Variants in CTC1 observed in about 807,000 individuals in gnomAD.
CTC1 encodes CST telomere replication complex component 1, also known as CST complex subunit CTC1.
In CTC1, 91 loss-of-function variants were observed where a neutral mutation model predicts 136.3. The observed-to-expected ratio is 0.67, with a 90% CI of 0.56 to 0.79. The LOEUF (loss-of-function observed/expected upper bound fraction) is 0.79. Among genes scored for constraint, CTC1 ranks in the 30% least tolerant of loss-of-function variants. The pLI is 0.00. For synonymous variants in CTC1, 606 were observed against 613.8 expected (o/e 0.99, Z 0.19); for missense variants, 1,432 against 1,498.1 (o/e 0.96, Z 0.73).
chr17:8,242,543 AAAAAAAAAAAATATATAT>A (rs1567620065), intron 2 of CTC1, among the ~76,000 whole-genome samples: 1 of 85,782 alleles, frequency 1.2e-5, no homozygotes, highest in African/African-American at 4.1e-5. Flanking sequence ...GAAAAAAAAA[AAAAAAAAAAAATATATAT>A]ATATATATAT....
chr17:8,231,433 T>C lies in CTC1; in HGVS notation c.2512A>G (p.Ile838Val). 1.2e-6 allele frequency: 2 copies of C among 1,612,702 alleles called. No homozygotes were observed. The highest frequency in any genetic ancestry group is 1.7e-5 in the Admixed American group (1 of 59,850). Reference protein sequence around the residue: ...MLFEKDGSSCISRRPLELAGC... With the variant: ...MLFEKDGSSCVSRRPLELAGC... ...GCCAACTCCAGAGGACGCCGAGATA[T>C]GCAGGATGAACCATCCTTTTCAAAC... The change falls in exon 15 of 23, where the codon ATA (isoleucine) becomes GTA (valine). Residue 838 changes from isoleucine (I) to valine (V), a missense_variant. Transcript: ENST00000651323.
chr17:8,236,132 G>T lies in CTC1; in HGVS notation c.1003C>A (p.Pro335Thr). The change falls in exon 6 of 23, where the codon CCC becomes ACC. Residue 335 changes from proline (P) to threonine (T), a missense_variant. Pro to Thr is a conservative substitution (Grantham distance 38). Coordinates refer to ENST00000651323, the MANE Select transcript of CTC1 (RefSeq NM_025099.6). ...TTGTCCTCCGAGTTGCTGGGCATGG[G>T]GAGTGGCTTGGGGTCAGCCTCTAAG... ...PLLEADPKPLPMPSNSEDKKD... is the reference protein window; with the variant it reads ...PLLEADPKPLTMPSNSEDKKD... 6.2e-7 allele frequency: 1 copy of T among 1,614,234 alleles called. No individual in the cohort carries two copies.
In CTC1 at chr17:8,226,187, G is replaced by A. The variant is rs1986624471; in HGVS notation, c.*1993C>T. On this transcript the variant is annotated 3_prime_UTR_variant, in exon 23 of 23. Transcript: ENST00000651323. Reference sequence around the variant, plus strand: ...GCGTTCTGATATAAAAACAATACATGAAAGGATGTGGATTTAGCCGCAAAA... The same window carrying A: ...GCGTTCTGATATAAAAACAATACATAAAAGGATGTGGATTTAGCCGCAAAA... 2 of 152,192 alleles carry A rather than the reference G, an allele frequency of 1.3e-5. No individual in the cohort carries two copies. The highest frequency in any genetic ancestry group is 4.8e-5 in the African/African-American group (2 of 41,428). The allele number at this position is 152,192 out of a possible 1,614,324, so 9.4% of individuals were successfully genotyped here. A position where few individuals can be genotyped will look rare whatever the true frequency, so the allele number is the denominator to read the frequency against.
Position 8,248,028 on chromosome 17 carries a change from A to G in CTC1, c.9T>C (p.Ala3=). 7.1e-7 allele frequency: 1 copy of G among 1,413,432 alleles called. No homozygotes were observed. The highest frequency in any genetic ancestry group is 9.5e-7 in the Non-Finnish European group (1 of 1,055,350). The allele number at this position is 1,413,432 out of a possible 1,614,324, so 87.6% of individuals were successfully genotyped here. MA[A]GRAQVPSSEQ... ...CGGAGGAAGGGACCTGGGCCCGGCC[A>G]GCCGCCATGATGCGCCGGAGCTCCG... The change falls in exon 1 of 23, where the codon GCT becomes GCC. Residue 3 remains alanine, a synonymous_variant. Transcript: ENST00000651323.
chr17:8,232,601 G>C, intron 11 of CTC1, 126 bp from the exon 12 acceptor site: 1 of 753,246 alleles, frequency 1.3e-6, no homozygotes, highest in Non-Finnish European at 2.2e-6. Context: ...TGACATGAAA[G>C]CCCACACCTG....
intron 17 of CTC1, 157 bp downstream of exon 17, chr17:8,230,137 C>A (rs990216961): frequency 2.1e-6 from 2 of 965,428 alleles, no homozygotes; most frequent in Non-Finnish European, 3.1e-6. Flanking sequence ...CAGCCTGCAA[C>A]ACCTCGTGAG....
chr17:8,232,535 G>A lies in CTC1; in HGVS notation c.1946-60C>T, dbSNP rs920594764. 7 of 1,416,836 alleles carry A rather than the reference G, an allele frequency of 4.9e-6. No individual in the cohort carries two copies. The Admixed American group carries it at 1.2e-4, about 25-fold the overall frequency. The allele number at this position is 1,416,836 out of a possible 1,614,324, so 87.8% of individuals were successfully genotyped here. A position where few individuals can be genotyped will look rare whatever the true frequency, so the allele number is the denominator to read the frequency against. ...GGAGACCTGTGGGGTGGGTTGCAAG[G>A]CAAACCATCCTACCGGCCTCACTAC... On this transcript the variant is annotated intron_variant, in intron 11 of 22. Coordinates refer to ENST00000651323, the MANE Select transcript of CTC1 (RefSeq NM_025099.6).
rs2151527978 is a variant in CTC1 at position 8,237,527 on chromosome 17, G to A, written c.648-8C>T. 2 of 1,613,560 alleles carry A rather than the reference G, an allele frequency of 1.2e-6. No homozygotes were observed. The highest frequency in any genetic ancestry group is 1.7e-4 in the Middle Eastern group (1 of 6,060). ...ACACCTCTGAGCTTGTTTCTAAGAA[G>A]GAAGAAAAAGCCCTGTAATCCCAGC... is the stretch of plus-strand genomic sequence containing the variant. On this transcript the variant is annotated splice_polypyrimidine_tract_variant and splice_region_variant and intron_variant, in intron 4 of 22. Transcript: ENST00000651323.
At chr17:8,246,647 G>A (rs568927009) in intron 1 of CTC1, among the ~76,000 whole-genome samples, 1 of 152,166 alleles carries the variant, frequency 6.6e-6, no homozygotes, top group Admixed American at 6.5e-5. Flanking sequence ...AGCAGTTTCG[G>A]AGGCCAAGGC....
intron 1 of CTC1, among the ~76,000 whole-genome samples, chr17:8,246,145 T>C (rs1193253498): frequency 2.1e-5 from 3 of 141,502 alleles, no homozygotes; most frequent in Non-Finnish European, 4.5e-5. Context: ...AGGTTGAGGC[T>C]GCAGTGAGCC....
intron 6 of CTC1, 44 bp downstream of exon 6, chr17:8,236,012 CCA>C (rs770368627): frequency 6.9e-6 from 11 of 1,598,230 alleles, no homozygotes; most frequent in Non-Finnish European, 8.6e-6. Flanking sequence ...CTTTGAAAAC[CCA>C]CATTTCTGGC....
At chr17:8,241,545 G>A (rs1396831287) in intron 2 of CTC1, among the ~76,000 whole-genome samples, 1 of 148,682 alleles carries the variant, frequency 6.7e-6, no homozygotes, top group Non-Finnish European at 1.5e-5. Context: ...GGCAGAGGTT[G>A]CAATGGGCCG....
chr17:8,235,339 A>G (rs1185704890), intron 7 of CTC1, 54 bp from the exon 8 acceptor site: 4 of 1,389,572 alleles, frequency 2.9e-6, no homozygotes, highest in Non-Finnish European at 4.1e-6. Context: ...CAACTCAATG[A>G]ACCCAGGCAG....
At chr17:8,245,727 A>G (rs949611782) in intron 1 of CTC1, among the ~76,000 whole-genome samples, 11 of 152,048 alleles carry the variant, frequency 7.2e-5, no homozygotes, top group Non-Finnish European at 4.4e-5. Context: ...CGAGCCCAGT[A>G]GTTCACTACT....
chr17:8,228,207 A>C lies in CTC1; in HGVS notation c.3627T>G (p.Ser1209=). Residue 1209 remains serine (S), a synonymous_variant, in exon 23 of 23, where the codon TCT becomes TCG. Coordinates refer to ENST00000651323, the MANE Select transcript of CTC1 (RefSeq NM_025099.6). ...AACAGGAGGAAGCAAGGATCCCCAGAGAGCTGGAGTACTCTGACTCTCGGA... is the reference window on the plus strand; with the variant it reads ...AACAGGAGGAAGCAAGGATCCCCAGCGAGCTGGAGTACTCTGACTCTCGGA... ...LSIRESEYSS[S]LGILASSC 1 of 1,614,118 alleles carries C rather than the reference A, an allele frequency of 6.2e-7. No homozygotes were observed. Among genetic ancestry groups the C allele is most frequent in the African/African-American group, 1.3e-5 (1 of 75,038 alleles).
intron 2 of CTC1, among the ~76,000 whole-genome samples, chr17:8,239,242 G>C (rs188226312): frequency 6.6e-6 from 1 of 152,246 alleles, no homozygotes; most frequent in Admixed American, 6.5e-5. Context: ...ATGAATGTGT[G>C]GGGAGAACAC....
intron 11 of CTC1, chr17:8,232,704 G>C (rs1658234056): frequency 1.4e-6 from 1 of 730,598 alleles, no homozygotes. Flanking sequence ...AGCTACGGTG[G>C]AGAAATGCAT....
chr17:8,239,946 C>T (rs1288596155), intron 2 of CTC1, among the ~76,000 whole-genome samples: 2 of 152,148 alleles, frequency 1.3e-5, no homozygotes, highest in Admixed American at 1.3e-4. Flanking sequence ...GCCATGCACG[C>T]TATACTATAC....
At chr17:8,236,445 G>T (rs1183840352) in intron 5 of CTC1, 103 bp from the exon 6 acceptor site, 19 of 1,226,116 alleles carry the variant, frequency 1.5e-5, no homozygotes, top group Non-Finnish European at 1.1e-6. Flanking sequence ...CCTGCCCTCT[G>T]TGAGTCTCAA....
Sources: allele counts gnomAD v4.1 joint callset (sites outside exome capture counted in the v4.1 genomes callset), GRCh38; gene constraint gnomAD v4.1.1; transcripts MANE v1.5; gene names NCBI Gene and HGNC (gene_info 2026-07-23, HGNC 2026-07-21).